ARSB: variants seen among roughly 807,000 people sequenced by gnomAD.
ARSB encodes N-acetylgalactosamine-4-sulfatase.
Under a neutral mutation model 50.9 loss-of-function variants are expected in ARSB, and 41 were observed. That is an observed-to-expected ratio of 0.81 (90% CI 0.63 to 1.04). The LOEUF (loss-of-function observed/expected upper bound fraction) is 1.04. Among genes scored for constraint, ARSB ranks in the 50% least tolerant of loss-of-function variants. ARSB has a pLI of 0.00. For missense variants in ARSB, 672 were observed against 693.3 expected (o/e 0.97, Z 0.35); for synonymous variants, 269 against 284.8 (o/e 0.94, Z 0.56).
rs149011658 is a variant in ARSB, at chr5:78,935,650, T to A, written c.898+19645A>T. On this transcript the variant is annotated intron_variant, in intron 4 of 7. Coordinates refer to ENST00000264914, the MANE Select transcript of ARSB (RefSeq NM_000046.5). ...AGACCAAAGGCTAGAAATGGTTTAA[T>A]CTCTAGCCACTTAGCTATTATTATA... 4.3e-3 allele frequency among the ~76,000 whole-genome samples: 656 copies of A among 152,314 alleles called. 4 individuals are homozygous for A. The highest frequency in any genetic ancestry group is 6.2e-3 in the Non-Finnish European group (424 of 68,026).
chr5:78,944,145 T>C (rs933196704), intron 4 of ARSB, among the ~76,000 whole-genome samples: 4 of 152,340 alleles, frequency 2.6e-5, no homozygotes, highest in Admixed American at 2.6e-4. Flanking sequence ...CTTTAAGGAC[T>C]TCTCTGCATT....
In ARSB at chr5:78,823,120, A is replaced by G. The variant is rs544337791; in HGVS notation, c.1213+16236T>C. Reference sequence around the variant, plus strand: ...TACCATTGTCCCTATGAATGTGATGATTAGATCCATTTTTCACATGCTCTG... The same window carrying G: ...TACCATTGTCCCTATGAATGTGATGGTTAGATCCATTTTTCACATGCTCTG... On this transcript the variant is annotated intron_variant, in intron 6 of 7. Transcript: ENST00000264914. Among the ~76,000 whole-genome samples, 11 of 152,338 alleles carry G rather than the reference A, an allele frequency of 7.2e-5. 1 individual carries two copies. The East Asian group carries it at 2.1e-3, about 29-fold the overall frequency.
chr5:78,958,690 A>G (rs548736599), intron 3 of ARSB, among the ~76,000 whole-genome samples: 1 of 152,186 alleles, frequency 6.6e-6, no homozygotes, highest in Non-Finnish European at 1.5e-5. Context: ...TTCTTAGATT[A>G]TAGAGTAACT....
At chr5:78,908,162 A>G (rs1749149087) in intron 4 of ARSB, among the ~76,000 whole-genome samples, 1 of 152,168 alleles carries the variant, frequency 6.6e-6, no homozygotes. Context: ...CACCTGGCCC[A>G]TCAGAGTCAC....
At chr5:78,867,041 C>A in intron 5 of ARSB, among the ~76,000 whole-genome samples, 1 of 152,176 alleles carries the variant, frequency 6.6e-6, no homozygotes, top group Non-Finnish European at 1.5e-5. Context: ...CTTTCCGAGT[C>A]AAAGAAAGGG....
At position 78,783,702 on chromosome 5, in the gene ARSB, T is replaced by C. The variant is rs117439942; in HGVS notation, c.1214-1728A>G. ...AGTTTGTATGAAGGCCACATTTTGA[T>C]ACCAAAGAATGTTAAATAAAACAAG... On this transcript the variant is annotated intron_variant, in intron 6 of 7. Transcript: ENST00000264914. Among the ~76,000 whole-genome samples, 122 of 152,270 alleles carry C rather than the reference T, an allele frequency of 8.0e-4. 3 individuals carry two copies. In the East Asian group the frequency reaches 0.023, roughly 29 times the overall value.
Position 78,964,530 on chromosome 5 carries a change from A to T in ARSB, c.576T>A (p.Cys192Ter). 6.2e-7 allele frequency: 1 copy of T among 1,614,064 alleles called. No homozygotes were observed. The highest frequency in any genetic ancestry group is 8.5e-7 in the Non-Finnish European group (1 of 1,179,938). The change falls in exon 3 of 8, where the codon TGT becomes TGA. Residue 192 changes from cysteine to a stop codon, truncating the protein, a stop_gained. Coordinates refer to ENST00000264914, the MANE Select transcript of ARSB (RefSeq NM_000046.5). LOFTEE classifies it high-confidence loss of function. ...CTTCGCCATCTCGAAAATCAAGAGCACATCGTGTGACATTCAGAGCGTCAA... is the reference window on the plus strand; with the variant it reads ...CTTCGCCATCTCGAAAATCAAGAGCTCATCGTGTGACATTCAGAGCGTCAA... ...TLIDALNVTRCALDFRDGEEV... is the reference protein window; with the variant it reads ...TLIDALNVTR
At chr5:78,907,274 G>A (rs1479425241) in intron 4 of ARSB, among the ~76,000 whole-genome samples, 3 of 152,164 alleles carry the variant, frequency 2.0e-5, no homozygotes, top group African/African-American at 7.2e-5. Context: ...TACACAGTGA[G>A]TTTGTTTTCC....
At chr5:78,905,608 A>AG (rs1749025210) in intron 4 of ARSB, among the ~76,000 whole-genome samples, 1 of 152,142 alleles carries the variant, frequency 6.6e-6, no homozygotes, top group Non-Finnish European at 1.5e-5. Flanking sequence ...GGGTTAATCT[A>AG]GGACCTGGGC....
chr5:78,961,851 C>T (rs1020680788), intron 3 of ARSB, among the ~76,000 whole-genome samples: 1 of 151,838 alleles, frequency 6.6e-6, no homozygotes, highest in Non-Finnish European at 1.5e-5. Flanking sequence ...GTGATGACTG[C>T]ACATTAGAAT....
At chr5:78,870,808 T>C (rs1747110762) in intron 5 of ARSB, among the ~76,000 whole-genome samples, 1 of 151,714 alleles carries the variant, frequency 6.6e-6, no homozygotes, top group Non-Finnish European at 1.5e-5. Context: ...TTGGAAGTTC[T>C]GGCCAGGGCA....
intron 6 of ARSB, among the ~76,000 whole-genome samples, chr5:78,790,548 A>T (rs1238603960): frequency 6.6e-6 from 1 of 152,232 alleles, no homozygotes; most frequent in East Asian, 1.9e-4. Flanking sequence ...TATATTGTTA[A>T]GACAATTGCC....
chr5:78,933,994 G>A (rs565027548), intron 4 of ARSB, among the ~76,000 whole-genome samples: 81 of 152,326 alleles, frequency 5.3e-4, no homozygotes, highest in African/African-American at 1.9e-3. Context: ...AAGGTGGAAG[G>A]AGAAAGTCAA....
chr5:78,865,135 C>T (rs1746654538), intron 5 of ARSB, among the ~76,000 whole-genome samples: 1 of 117,856 alleles, frequency 8.5e-6, no homozygotes, highest in African/African-American at 3.2e-5. Context: ...GGTTCTGGCC[C>T]CACATTTCCC....
chr5:78,820,567 G>GAA (rs201873566), intron 6 of ARSB, among the ~76,000 whole-genome samples: 1 of 149,804 alleles, frequency 6.7e-6, no homozygotes, highest in Non-Finnish European at 1.5e-5. Context: ...ACTCAAAAAA[G>GAA]AAAAAAAAAT....
intron 4 of ARSB, among the ~76,000 whole-genome samples, chr5:78,937,646 G>C (rs1750695788): frequency 6.6e-6 from 1 of 151,424 alleles, no homozygotes; most frequent in Non-Finnish European, 1.5e-5. Context: ...TAAACATAGA[G>C]ATTGAGAGGC....
intron 5 of ARSB, among the ~76,000 whole-genome samples, chr5:78,881,237 GAAAA>G (rs201873327): frequency 1.4e-5 from 2 of 146,952 alleles, no homozygotes; most frequent in East Asian, 3.9e-4. Flanking sequence ...GTCTTAAAAA[GAAAA>G]AAAAAGAAAA....
chr5:78,910,555 G>A lies in ARSB; in HGVS notation c.899-24728C>T, dbSNP rs535297698. Among the ~76,000 whole-genome samples, 5 of 152,300 alleles carry A rather than the reference G, an allele frequency of 3.3e-5. No individual in the cohort carries two copies. In the East Asian group the frequency reaches 5.8e-4, roughly 18 times the overall value. Reference sequence around the variant, plus strand: ...AAATTTTCAGTGTAAAAATAAGAGAGATATGGATAGGTCTTCTAAAAGCAG... The same window carrying A: ...AAATTTTCAGTGTAAAAATAAGAGAAATATGGATAGGTCTTCTAAAAGCAG... On this transcript the variant is annotated intron_variant, in intron 4 of 7. Transcript: ENST00000264914.
chr5:78,787,906 C>T (rs1222753671), intron 6 of ARSB, among the ~76,000 whole-genome samples: 13 of 152,120 alleles, frequency 8.5e-5, no homozygotes, highest in Non-Finnish European at 1.5e-4. Context: ...GAAGTGGATT[C>T]GCTGCCTAGG....
Sources: allele counts gnomAD v4.1 joint callset (sites outside exome capture counted in the v4.1 genomes callset), GRCh38; gene constraint gnomAD v4.1.1; transcripts MANE v1.5; gene names NCBI Gene and HGNC (gene_info 2026-07-23, HGNC 2026-07-21).